The following FGF14 variants were observed in gnomAD, a reference collection of about 807,000 sequenced individuals.
FGF14 encodes fibroblast growth factor homologous factor 4.
Under a neutral mutation model 25.5 loss-of-function variants are expected in FGF14, and 5 were observed. The observed-to-expected ratio is 0.20, with a 90% CI of 0.10 to 0.41. The LOEUF is 0.41. Among genes scored for constraint, FGF14 ranks in the 10% least tolerant of loss-of-function variants. The probability of loss-of-function intolerance (pLI) is 1.00; values close to 1 mark genes in which losing one functional copy is unlikely to be tolerated. For missense variants in FGF14, 222 were observed against 320.1 expected, an observed-to-expected ratio of 0.69 and a Z score of 2.34; for synonymous variants, 138 against 118.3, an observed-to-expected ratio of 1.17 and a Z score of -1.08.
At chr13:102,159,159 AAAAG>A (rs2047509416) in intron 1 of FGF14, among the ~76,000 whole-genome samples, 1 of 118,072 alleles carries the variant, frequency 8.5e-6, no homozygotes, top group East Asian at 2.0e-4. Context: ...AAAAAAAAAG[AAAAG>A]AAAAGAAAAT....
At chr13:102,320,378 C>T (rs182347289) in intron 1 of FGF14, among the ~76,000 whole-genome samples, 2 of 152,268 alleles carry the variant, frequency 1.3e-5, no homozygotes, top group African/African-American at 4.8e-5. Context: ...CTTAATCTCT[C>T]CTGACCCTGC....
intron 1 of FGF14, among the ~76,000 whole-genome samples, chr13:102,267,582 T>G (rs908560063): frequency 6.6e-6 from 1 of 152,170 alleles, no homozygotes; most frequent in Non-Finnish European, 1.5e-5. Flanking sequence ...TGGTTATATA[T>G]ATGGCTATGT....
At chr13:101,769,673 C>T (rs964214048) in intron 3 of FGF14, among the ~76,000 whole-genome samples, 5 of 152,064 alleles carry the variant, frequency 3.3e-5, no homozygotes, top group Admixed American at 6.6e-5. Context: ...AATAAACTTA[C>T]GTGTGTATTA....
chr13:101,754,203 A>C (rs2037492194), intron 3 of FGF14, among the ~76,000 whole-genome samples: 2 of 152,102 alleles, frequency 1.3e-5, no homozygotes, highest in Admixed American at 1.3e-4. Flanking sequence ...CTAGGGGCTG[A>C]TCCAGGGTGC....
chr13:101,943,812 TAAAAA>T (rs58741547), intron 1 of FGF14, among the ~76,000 whole-genome samples: 5 of 134,242 alleles, frequency 3.7e-5, no homozygotes, highest in Admixed American at 7.3e-5. Context: ...TGTCTCTACT[TAAAAA>T]AAAAAAAAAA....
At chr13:102,013,782 A>C (rs1009985370) in intron 1 of FGF14, among the ~76,000 whole-genome samples, 4 of 152,126 alleles carry the variant, frequency 2.6e-5, no homozygotes, top group African/African-American at 9.7e-5. Context: ...ATTTTATTTC[A>C]TTGTTCGGAC....
intron 1 of FGF14, among the ~76,000 whole-genome samples, chr13:102,313,099 C>A (rs2055852388): frequency 6.6e-6 from 1 of 152,198 alleles, no homozygotes; most frequent in Non-Finnish European, 1.5e-5. Flanking sequence ...GATAGCCTTA[C>A]AGTTCTCCAG....
chr13:101,881,779 C>T (rs868534583), intron 1 of FGF14, among the ~76,000 whole-genome samples: 6 of 152,170 alleles, frequency 3.9e-5, no homozygotes, highest in Admixed American at 2.0e-4. Flanking sequence ...GCTGGTGTGT[C>T]GCTCAAGTGC....
intron 1 of FGF14, among the ~76,000 whole-genome samples, chr13:102,100,152 A>G (rs2044590247): frequency 6.6e-6 from 1 of 152,236 alleles, no homozygotes; most frequent in African/African-American, 2.4e-5. Flanking sequence ...ATCAAATGAT[A>G]TATTCAGGTG....
At chr13:102,163,294 A>C (rs1338572387) in intron 1 of FGF14, among the ~76,000 whole-genome samples, 1 of 152,154 alleles carries the variant, frequency 6.6e-6, no homozygotes, top group Non-Finnish European at 1.5e-5. Context: ...GCACAGAGGT[A>C]TTAGAAACCA....
intron 3 of FGF14, among the ~76,000 whole-genome samples, chr13:101,798,754 T>C (rs2040703855): frequency 6.6e-6 from 1 of 152,158 alleles, no homozygotes; most frequent in Admixed American, 6.6e-5. Flanking sequence ...TTTAGATATG[T>C]GCTTATTTAA....
chr13:101,896,601 C>A (rs570718455), intron 1 of FGF14, among the ~76,000 whole-genome samples: 1 of 152,268 alleles, frequency 6.6e-6, no homozygotes, highest in South Asian at 2.1e-4. Context: ...GAAAGGAAAT[C>A]CCTTCTTTCC....
At chr13:102,347,365 T>G (rs2057140010) in intron 1 of FGF14, among the ~76,000 whole-genome samples, 1 of 152,102 alleles carries the variant, frequency 6.6e-6, no homozygotes, top group Non-Finnish European at 1.5e-5. Flanking sequence ...AAAGGAGATA[T>G]GCAGGTGCTG....
In FGF14 at chr13:101,722,066, A is replaced by G. The variant is rs538817156; in HGVS notation, c.*765T>C. 6.6e-6 allele frequency: 1 copy of G among 152,494 alleles called. No individual in the cohort carries two copies. The highest frequency in any genetic ancestry group is 1.5e-5 in the Non-Finnish European group (1 of 68,408). 9.4% of individuals were successfully genotyped at this position (152,494 alleles called of 1,614,324 possible). Reference sequence around the variant, plus strand: ...GAAACTAGAGGGGGATGTCAAACACATATCATAGAGAGCTTCCCTGGATTG... The same window carrying G: ...GAAACTAGAGGGGGATGTCAAACACGTATCATAGAGAGCTTCCCTGGATTG... On this transcript the variant is annotated 3_prime_UTR_variant, in exon 5 of 5. Transcript: ENST00000376143.
rs931894452 is a variant in FGF14 at position 102,182,987 on chromosome 13, T to C, written c.208+218484A>G. On this transcript the variant is annotated intron_variant, in intron 1 of 4. Transcript: ENST00000376131. Reference sequence around the variant, plus strand: ...TTAAGTATGGGGTCAGAATGAGATATTAGATAACCTGGAACAAAGGGGAGT... The same window carrying C: ...TTAAGTATGGGGTCAGAATGAGATACTAGATAACCTGGAACAAAGGGGAGT... 2.6e-5 allele frequency among the ~76,000 whole-genome samples: 4 copies of C among 152,198 alleles called. No individual in the cohort carries two copies. The East Asian group carries it at 7.7e-4, about 29-fold the overall frequency.
Position 102,400,627 on chromosome 13 carries a change from T to C in FGF14, c.208+844A>G, listed in dbSNP as rs1274673644. Among the ~76,000 whole-genome samples the C allele has an allele frequency of 2.0e-5, 3 of 152,212 alleles. No homozygotes were observed. The highest frequency in any genetic ancestry group is 2.9e-5 in the Non-Finnish European group (2 of 68,044). On this transcript the variant is annotated intron_variant, in intron 1 of 4. Transcript: ENST00000376131. The surrounding 1 kb of genome is among the most constrained non-coding windows in gnomAD (Gnocchi z 4.3). ...AAATCAGATGCATTTGCATTTCTTA[T>C]GTAATGTACTGCAAGTTCCCTTGTT...
At chr13:102,179,605 T>C (rs2048586010) in intron 1 of FGF14, among the ~76,000 whole-genome samples, 1 of 152,168 alleles carries the variant, frequency 6.6e-6, no homozygotes, top group African/African-American at 2.4e-5. Flanking sequence ...GGTACTACTT[T>C]TATACACATT....
chr13:102,089,071 ACAGAATT>A (rs1362765150), intron 1 of FGF14, among the ~76,000 whole-genome samples: 2 of 152,214 alleles, frequency 1.3e-5, no homozygotes, highest in African/African-American at 4.8e-5. Context: ...CATCATAGAT[ACAGAATT>A]CAGAATACAA....
intron 3 of FGF14, among the ~76,000 whole-genome samples, chr13:101,791,377 C>G (rs115978087): frequency 2.6e-3 from 397 of 152,290 alleles, no homozygotes; most frequent in African/African-American, 8.6e-3. Context: ...CTCACCACTC[C>G]TAACCTTTAC....
Sources: gnomAD v4.1 joint callset for allele counts (sites outside exome capture counted in the v4.1 genomes callset) on GRCh38, gnomAD v4.1.1 for gene constraint, Gnocchi (gnomAD v3.1) non-coding constraint, MANE v1.5 for transcripts, NCBI Gene and HGNC (gene_info 2026-07-23, HGNC 2026-07-21) for gene names.